CFAP70: variants seen among roughly 807,000 people sequenced by gnomAD.
CFAP70 encodes the protein cilia and flagella associated protein 70.
CFAP70 carries 81 observed loss-of-function variants against 137.6 expected under a neutral mutation model. That is an observed-to-expected ratio of 0.59 (90% CI 0.49 to 0.71). CFAP70 has a LOEUF of 0.71. Among genes scored for constraint, CFAP70 ranks in the 30% least tolerant of loss-of-function variants. The pLI is 0.00. For synonymous variants in CFAP70, 382 were observed against 423.6 expected (o/e 0.90, Z 1.20); for missense variants, 976 against 1,226.7 (o/e 0.80, Z 3.05).
chr10:73,358,969 C>T (rs997987468), upstream of CFAP70: 2 of 152,230 alleles, frequency 1.3e-5, no homozygotes, highest in East Asian at 3.8e-4. Context: ...AGGTTTCCAC[C>T]TTTACATTTT....
rs76129551 is a variant in CFAP70 at position 73,299,439 on chromosome 10, T to C, written c.1317+166A>G. Among the ~76,000 whole-genome samples, 114 of 152,304 alleles carry C rather than the reference T, an allele frequency of 7.5e-4. 1 individual carries two copies. The highest frequency in any genetic ancestry group is 2.6e-3 in the African/African-American group (109 of 41,566). On this transcript the variant is annotated intron_variant, in intron 13 of 26. Transcript: ENST00000310715. ...ACCACCAGCCAAAGATTAAACACTG[T>C]ATGCTATATGCCATTGATCACAAAT...
At chr10:73,331,066 A>C (rs2052025356) in intron 8 of CFAP70, 111 bp downstream of exon 9, 1 of 698,454 alleles carries the variant, frequency 1.4e-6, no homozygotes, top group Non-Finnish European at 2.4e-6. Context: ...AGTCACCCTT[A>C]GGAGAACAGC....
intron 7 of CFAP70, among the ~76,000 whole-genome samples, chr10:73,334,714 G>T (rs749301045): frequency 5.9e-5 from 9 of 151,742 alleles, no homozygotes; most frequent in Non-Finnish European, 8.8e-5. Flanking sequence ...CGAGTAGCTG[G>T]GACTACAGGT....
chr10:73,322,532 G>C (rs1326025178), intron 9 of CFAP70, among the ~76,000 whole-genome samples: 1 of 146,190 alleles, frequency 6.8e-6, no homozygotes, highest in African/African-American at 2.6e-5. Flanking sequence ...AGCTATGATT[G>C]TGCCACTGCA....
In CFAP70 at chr10:73,351,067, GTGTGTATATATATATATATATA is replaced by G. The variant is rs1315002273; in HGVS notation, c.250+2467_250+2488del. Among the ~76,000 whole-genome samples the G allele has an allele frequency of 7.3e-3, 468 of 64,046 alleles. 22 individuals are homozygous for G. The East Asian group carries it at 0.16, about 21-fold the overall frequency. The allele number at this position is 64,046 out of a possible 152,430, so 42.0% of individuals were successfully genotyped here. ...TATATGTGTGTGTGTGTGTGTGTGT[GTGTGTATATATATATATATATA>G]TATATATATATATATATATATATGT... On this transcript the variant is annotated intron_variant, in intron 3 of 26. Coordinates refer to ENST00000310715, the Ensembl canonical transcript of CFAP70.
At chr10:73,355,965 C>A (rs541821938) in intron 1 of CFAP70, among the ~76,000 whole-genome samples, 4 of 152,004 alleles carry the variant, frequency 2.6e-5, no homozygotes, top group African/African-American at 4.8e-5. Flanking sequence ...TCTCTGGTAA[C>A]CGTTTTTTTT....
intron 9 of CFAP70, among the ~76,000 whole-genome samples, chr10:73,317,895 T>C (rs975588960): frequency 7.3e-5 from 11 of 150,802 alleles, no homozygotes; most frequent in African/African-American, 2.7e-4. Context: ...ATAAATGGCT[T>C]GGTGCTATCC....
chr10:73,327,039 G>T (rs1036765868), intron 8 of CFAP70, among the ~76,000 whole-genome samples: 32 of 151,448 alleles, frequency 2.1e-4, no homozygotes, highest in Middle Eastern at 3.4e-3. Context: ...AACCAAAAAA[G>T]ATAATTTTAG....
intron 12 of CFAP70, among the ~76,000 whole-genome samples, chr10:73,306,317 T>C (rs932962871): frequency 6.6e-6 from 1 of 152,082 alleles, no homozygotes; most frequent in Non-Finnish European, 1.5e-5. Context: ...CCAAATTTGG[T>C]GAAAGATATG....
At chr10:73,361,690 T>C (rs1263356439), upstream of CFAP70, among the ~76,000 whole-genome samples, 1 of 152,206 alleles carries the variant, frequency 6.6e-6, no homozygotes, top group Non-Finnish European at 1.5e-5. Flanking sequence ...AATGATGCAC[T>C]AGCTCAACAA....
chr10:73,268,495 T>C (rs1401742386), intron 25 of CFAP70, among the ~76,000 whole-genome samples: 1 of 152,190 alleles, frequency 6.6e-6, no homozygotes, highest in Non-Finnish European at 1.5e-5. Flanking sequence ...GAATGGGTTA[T>C]ACATCTGTAT....
intron 24 of CFAP70, among the ~76,000 whole-genome samples, chr10:73,272,589 A>G (rs1234974129): frequency 6.6e-6 from 1 of 152,152 alleles, no homozygotes; most frequent in African/African-American, 2.4e-5. Flanking sequence ...GTGTCAATCA[A>G]TTTCTTTAAT....
intron 8 of CFAP70, among the ~76,000 whole-genome samples, chr10:73,326,334 G>A (rs1433012595): frequency 6.8e-6 from 1 of 147,640 alleles, no homozygotes; most frequent in Admixed American, 6.8e-5. Flanking sequence ...CACATTCAAA[G>A]CAGTGTGTAG....
chr10:73,297,138 C>G, exon 15 of CFAP70: 1 of 1,613,686 alleles, frequency 6.2e-7, no homozygotes, highest in Non-Finnish European at 8.5e-7. Context: ...ATGTTGTCTT[C>G]AAGTATTTAT....
rs748118978 is a variant in CFAP70 at position 73,253,927 on chromosome 10, G to A, written c.*48C>T. The stretch of plus-strand genomic sequence containing the variant: ...TCATACGGTAAAACTCTCTGGGAAG[G>A]AAAGGAACTCAGAGTCCCATGCAGA... On this transcript the variant is annotated 3_prime_UTR_variant, in exon 27 of 27. Coordinates refer to ENST00000310715, the Ensembl canonical transcript of CFAP70. 3 of 1,465,686 alleles carry A rather than the reference G, an allele frequency of 2.0e-6. No homozygotes were observed. In the African/African-American group the frequency reaches 4.1e-5, roughly 20 times the overall value. The allele number at this position is 1,465,686 out of a possible 1,614,324, so 90.8% of individuals were successfully genotyped here.
intron 25 of CFAP70, among the ~76,000 whole-genome samples, chr10:73,258,996 C>G (rs2044836891): frequency 6.6e-6 from 1 of 152,134 alleles, no homozygotes; most frequent in Non-Finnish European, 1.5e-5. Flanking sequence ...CTCGCTCTGC[C>G]CCCATTTGCC....
chr10:73,314,203 T>TG (rs2050155853), intron 9 of CFAP70, among the ~76,000 whole-genome samples: 9 of 152,204 alleles, frequency 5.9e-5, no homozygotes, highest in African/African-American at 1.9e-4. Flanking sequence ...CAAAAAACTT[T>TG]GGGGGGTAAT....
At chr10:73,292,402 A>G (rs1374142948) in intron 16 of CFAP70, among the ~76,000 whole-genome samples, 2 of 152,212 alleles carry the variant, frequency 1.3e-5, no homozygotes, top group Admixed American at 1.3e-4. Context: ...GCACTTCATG[A>G]TGAGTGAAAA....
upstream of CFAP70, among the ~76,000 whole-genome samples, chr10:73,359,906 AC>A (rs2054941247): frequency 6.6e-6 from 1 of 151,522 alleles, no homozygotes; most frequent in African/African-American, 2.4e-5. Flanking sequence ...AAAAAAAAAC[AC>A]ACACACACAC....
Sources: gnomAD v4.1 joint callset for allele counts (sites outside exome capture counted in the v4.1 genomes callset) on GRCh38, gnomAD v4.1.1 for gene constraint, MANE v1.5 for transcripts, NCBI Gene and HGNC (gene_info 2026-07-23, HGNC 2026-07-21) for gene names.